FAM118B: variants seen among roughly 807,000 people sequenced by gnomAD.
The protein encoded by FAM118B is protein FAM118B.
A neutral mutation model predicts 38.5 loss-of-function variants in FAM118B; 24 were observed. That is an observed-to-expected ratio of 0.62 (90% CI 0.45 to 0.88). The LOEUF is 0.88. Among genes scored for constraint, FAM118B ranks in the 40% least tolerant of loss-of-function variants. The pLI, the probability that FAM118B is intolerant of heterozygous loss-of-function variation, is 0.00. For missense variants in FAM118B, 334 were observed against 420.0 expected (o/e 0.80, Z 1.79); for synonymous variants, 138 against 156.3 (o/e 0.88, Z 0.87).
intron 1 of FAM118B, among the ~76,000 whole-genome samples, chr11:126,220,316 A>G (rs975545081): frequency 6.6e-6 from 1 of 151,488 alleles, no homozygotes; most frequent in Non-Finnish European, 1.5e-5. Context: ...TCACTTCCTT[A>G]TGAAAGTATG....
chr11:126,258,419 C>T (rs1456098375), intron 7 of FAM118B, among the ~76,000 whole-genome samples: 1 of 152,164 alleles, frequency 6.6e-6, no homozygotes, highest in Non-Finnish European at 1.5e-5. Flanking sequence ...ATTTAATAAA[C>T]ATAAAGCAGT....
intron 7 of FAM118B, among the ~76,000 whole-genome samples, chr11:126,257,155 A>T (rs909982520): frequency 3.3e-5 from 5 of 152,256 alleles, no homozygotes; most frequent in Non-Finnish European, 7.3e-5. Flanking sequence ...GCGAAGAAAG[A>T]TCACCCAATT....
At chr11:126,222,764 T>C (rs1407492898) in intron 1 of FAM118B, among the ~76,000 whole-genome samples, 1 of 152,180 alleles carries the variant, frequency 6.6e-6, no homozygotes, top group Non-Finnish European at 1.5e-5. Context: ...AGATACACAC[T>C]CATTCCATCA....
intron 1 of FAM118B, among the ~76,000 whole-genome samples, chr11:126,224,706 A>T (rs573823511): frequency 6.6e-6 from 1 of 152,300 alleles, no homozygotes; most frequent in Admixed American, 6.5e-5. Flanking sequence ...AGAAGGAATG[A>T]TCTATGCAAA....
At chr11:126,216,935 T>G (rs1949986426) in intron 1 of FAM118B, among the ~76,000 whole-genome samples, 1 of 152,262 alleles carries the variant, frequency 6.6e-6, no homozygotes, top group Non-Finnish European at 1.5e-5. Context: ...GAGCCTATGC[T>G]GGCAGCTCAG....
At chr11:126,217,904 A>C (rs1032660105) in intron 1 of FAM118B, among the ~76,000 whole-genome samples, 1 of 152,120 alleles carries the variant, frequency 6.6e-6, no homozygotes. Context: ...GGTGATTTAA[A>C]TCCTTCTTAC....
chr11:126,234,840 A>C (rs1950251451), intron 2 of FAM118B, among the ~76,000 whole-genome samples, 155 bp from the exon 3 acceptor site: 1 of 152,210 alleles, frequency 6.6e-6, no homozygotes, highest in South Asian at 2.1e-4. Flanking sequence ...CCTTGTTTAG[A>C]ATGTTCATTA....
intron 3 of FAM118B, among the ~76,000 whole-genome samples, chr11:126,237,916 AT>A (rs942469776): frequency 2.0e-5 from 3 of 150,514 alleles, no homozygotes; most frequent in African/African-American, 4.9e-5. Flanking sequence ...TTTTCTTTTA[AT>A]TTTTTTTTCT....
At chr11:126,237,416 TAAA>T (rs1950291034) in intron 3 of FAM118B, among the ~76,000 whole-genome samples, 1 of 146,800 alleles carries the variant, frequency 6.8e-6, no homozygotes, top group South Asian at 2.1e-4. Flanking sequence ...ATTTATTTTT[TAAA>T]TAAAGACAGG....
At chr11:126,225,284 C>T (rs1409265377) in intron 1 of FAM118B, among the ~76,000 whole-genome samples, 4 of 152,158 alleles carry the variant, frequency 2.6e-5, no homozygotes, top group South Asian at 4.1e-4. Flanking sequence ...TGTTCTTTGA[C>T]GCAGTGAAAT....
intron 2 of FAM118B, chr11:126,233,468 A>G: frequency 3.9e-6 from 1 of 258,142 alleles, no homozygotes; most frequent in Non-Finnish European, 7.6e-6. Flanking sequence ...CTGGGCAACA[A>G]GAGCAAAACT....
At chr11:126,227,914 C>T (rs1480286499) in intron 1 of FAM118B, among the ~76,000 whole-genome samples, 2 of 151,362 alleles carry the variant, frequency 1.3e-5, no homozygotes, top group Non-Finnish European at 2.9e-5. Flanking sequence ...ATCCTCCCAA[C>T]TCAGCCTCCC....
chr11:126,238,029 CTT>C (rs1198698468), intron 3 of FAM118B, among the ~76,000 whole-genome samples: 1 of 151,812 alleles, frequency 6.6e-6, no homozygotes, highest in Non-Finnish European at 1.5e-5. Flanking sequence ...TGAGGTGACC[CTT>C]GTTTGTCTGC....
intron 7 of FAM118B, 118 bp from the exon 8 acceptor site, chr11:126,261,307 C>T (rs1950692712): frequency 2.7e-6 from 2 of 745,566 alleles, no homozygotes; most frequent in Non-Finnish European, 4.5e-6. Context: ...TGTTTCATTT[C>T]TAAATGCCCA....
chr11:126,242,427 C>G (rs968451874), intron 4 of FAM118B, among the ~76,000 whole-genome samples: 2 of 147,814 alleles, frequency 1.4e-5, no homozygotes, highest in Non-Finnish European at 3.0e-5. Flanking sequence ...CTGTCTCTAC[C>G]AAAAGAAAAA....
chr11:126,214,514 G>GTTTTTTTTTTTTTTTTTTTTTTTTTTTT (rs71048770), intron 1 of FAM118B: 2 of 41,498 alleles, frequency 4.8e-5, no homozygotes, highest in Admixed American at 4.9e-4. Flanking sequence ...TTTTTTTTTT[G>GTTTTTTTTTTTTTTTTTTTTTTTTTTTT]TTTTTTTTTT....
chr11:126,244,184 A>G lies in FAM118B; in HGVS notation c.339+3140A>G, dbSNP rs371201052. 1.5e-4 allele frequency among the ~76,000 whole-genome samples: 23 copies of G among 152,344 alleles called. No homozygotes were observed. In the East Asian group the frequency reaches 4.0e-3, roughly 27 times the overall value. Reference sequence around the variant, plus strand: ...ATTTTTTCCACTAAGATCAGCAGCAAGACAAGGCTGTTTTCCCACTCCACT... The same window carrying G: ...ATTTTTTCCACTAAGATCAGCAGCAGGACAAGGCTGTTTTCCCACTCCACT... On this transcript the variant is annotated intron_variant, in intron 4 of 8. Transcript: ENST00000533050. The surrounding 1 kb of genome is among the most constrained non-coding windows in gnomAD (Gnocchi z 4.5).
At position 126,211,797 on chromosome 11, in the gene FAM118B, T is replaced by G. The variant is rs1352848385; in HGVS notation, c.-110T>G. ...CAGTGCGGCTGCGCCGGCCGGTAGC[T>G]GCAGCTGGAGCAGTGGCGTTTGGAG... is the stretch of plus-strand genomic sequence containing the variant. On this transcript the variant is annotated 5_prime_UTR_variant, in exon 1 of 9. Coordinates refer to ENST00000533050, the MANE Select transcript of FAM118B (RefSeq NM_024556.4). 1.3e-6 allele frequency: 1 copy of G among 750,464 alleles called. No homozygotes were observed. Among genetic ancestry groups the G allele is most frequent in the Non-Finnish European group, 2.1e-6 (1 of 469,492 alleles). 46.5% of individuals were successfully genotyped at this position (750,464 alleles called of 1,614,324 possible). A position where few individuals can be genotyped will look rare whatever the true frequency, so the allele number is the denominator to read the frequency against.
chr11:126,215,400 A>G (rs1949964853), intron 1 of FAM118B, among the ~76,000 whole-genome samples: 2 of 152,320 alleles, frequency 1.3e-5, no homozygotes, highest in South Asian at 2.1e-4. Context: ...GTGTTGGAAT[A>G]TACTTTTAAG....
Sources: allele counts gnomAD v4.1 joint callset (sites outside exome capture counted in the v4.1 genomes callset), GRCh38; gene constraint gnomAD v4.1.1; non-coding constraint Gnocchi (gnomAD v3.1); transcripts MANE v1.5; gene names NCBI Gene and HGNC (gene_info 2026-07-23, HGNC 2026-07-21).